Variants in MYT1L observed in about 807,000 individuals in gnomAD.
The protein encoded by MYT1L is myelin transcription factor 1 like.
Under a neutral mutation model 126.7 loss-of-function variants are expected in MYT1L, and 12 were observed. The observed-to-expected ratio is 0.09, with a 90% confidence interval of 0.06 to 0.15. The LOEUF (loss-of-function observed/expected upper bound fraction) is 0.15. Ranked by LOEUF, MYT1L falls within the 10% of genes least tolerant of loss-of-function variation. MYT1L has a pLI of 1.00. For missense variants in MYT1L, 979 were observed against 1,585.2 expected (o/e 0.62, Z 6.49); for synonymous variants, 541 against 604.2 (o/e 0.90, Z 1.53).
intron 18 of MYT1L, among the ~76,000 whole-genome samples, chr2:1,867,359 T>C (rs1343865954): frequency 6.6e-6 from 1 of 152,178 alleles, no homozygotes; most frequent in Non-Finnish European, 1.5e-5. Context: ...CCCATTGTCT[T>C]GGCTCTCACC....
intron 21 of MYT1L, among the ~76,000 whole-genome samples, chr2:1,820,250 T>A (rs1462033352): frequency 6.6e-6 from 1 of 152,180 alleles, no homozygotes; most frequent in Non-Finnish European, 1.5e-5. Context: ...TCCTAAGAGT[T>A]TTGAAGGCAT....
At chr2:2,125,720 T>C (rs1248168226) in intron 3 of MYT1L, among the ~76,000 whole-genome samples, 2 of 152,186 alleles carry the variant, frequency 1.3e-5, no homozygotes, top group Non-Finnish European at 2.9e-5. Flanking sequence ...TCTTTTATGG[T>C]ACCCTTTTGT....
chr2:1,860,062 T>A (rs977004949), intron 18 of MYT1L, among the ~76,000 whole-genome samples: 2 of 152,216 alleles, frequency 1.3e-5, no homozygotes, highest in African/African-American at 4.8e-5. Flanking sequence ...TCTGTGTTGA[T>A]CATGCTGCCC....
intron 19 of MYT1L, chr2:1,841,669 C>CA (rs1161485425): frequency 2.0e-5 from 3 of 152,180 alleles, no homozygotes; most frequent in Non-Finnish European, 4.4e-5. Flanking sequence ...GTTTTGTTGA[C>CA]AGAGAGCGCG....
chr2:1,914,384 C>T (rs2052511629), intron 11 of MYT1L, among the ~76,000 whole-genome samples: 1 of 152,186 alleles, frequency 6.6e-6, no homozygotes, highest in Non-Finnish European at 1.5e-5. Flanking sequence ...TTTCCTCCAC[C>T]TGCTCCTGTT....
intron 3 of MYT1L, among the ~76,000 whole-genome samples, chr2:2,169,833 T>C (rs2089752449): frequency 6.6e-6 from 1 of 152,182 alleles, no homozygotes; most frequent in South Asian, 2.1e-4. Context: ...CGCGGTTTTA[T>C]GGACAGAACT....
At chr2:2,048,775 T>A (rs2068479644) in intron 4 of MYT1L, among the ~76,000 whole-genome samples, 1 of 152,200 alleles carries the variant, frequency 6.6e-6, no homozygotes, top group African/African-American at 2.4e-5. Context: ...GGGTGTCGCC[T>A]GACTTCAGGT....
At position 1,803,624 on chromosome 2, in the gene MYT1L, G is replaced by T. The variant is rs560840393; in HGVS notation, c.3173-1825C>A. 6.6e-5 allele frequency among the ~76,000 whole-genome samples: 10 copies of T among 152,312 alleles called. No individual in the cohort carries two copies. The South Asian group carries it at 2.1e-3, about 32-fold the overall frequency. On this transcript the variant is annotated intron_variant, in intron 22 of 24. Transcript: ENST00000647738. The stretch of plus-strand genomic sequence containing the variant: ...ATTTTGTTCTGGGAGTGATGGATGG[G>T]TGGATATTACTTCCATAGCTCTGCT...
chr2:2,183,267 G>C (rs2091734119), intron 2 of MYT1L, among the ~76,000 whole-genome samples: 1 of 152,136 alleles, frequency 6.6e-6, no homozygotes. Context: ...AAGAGACAGA[G>C]AGGAACGAAC....
intron 2 of MYT1L, among the ~76,000 whole-genome samples, chr2:2,175,580 A>G (rs2090643295): frequency 6.6e-6 from 1 of 152,070 alleles, no homozygotes; most frequent in Non-Finnish European, 1.5e-5. Flanking sequence ...AGCCCACCTC[A>G]GACACCACCG....
Position 1,889,558 on chromosome 2 carries a change from T to G in MYT1L, c.2284-81A>C. On this transcript the variant is annotated intron_variant, in intron 15 of 24. Transcript: ENST00000647738. This position sits in a 1 kb window ranked among gnomAD's most constrained non-coding sequence, Gnocchi z 4.1. ...AGTCCTTCCTCCCAGATTACAGTCC[T>G]GCCGTCAGCCAGTGTAGCGTTCAAC... The G allele has an allele frequency of 8.5e-7, 1 of 1,171,116 alleles. No homozygotes were observed. The highest frequency in any genetic ancestry group is 2.4e-5 in the East Asian group (1 of 41,482). The allele number at this position is 1,171,116 out of a possible 1,614,324, so 72.5% of individuals were successfully genotyped here.
At chr2:2,010,940 C>T (rs942467151) in intron 4 of MYT1L, among the ~76,000 whole-genome samples, 1 of 152,164 alleles carries the variant, frequency 6.6e-6, no homozygotes, top group Non-Finnish European at 1.5e-5. Flanking sequence ...TTTAACCAAC[C>T]GGATATCCCC....
At chr2:2,262,227 T>TC (rs1360141573) in intron 2 of MYT1L, among the ~76,000 whole-genome samples, 9 of 152,198 alleles carry the variant, frequency 5.9e-5, no homozygotes, top group Non-Finnish European at 2.9e-5. Context: ...GAATGTGTGT[T>TC]TTATCTATTT....
intron 3 of MYT1L, among the ~76,000 whole-genome samples, chr2:2,073,223 T>C (rs1004019662): frequency 1.3e-5 from 2 of 151,934 alleles, no homozygotes; most frequent in Non-Finnish European, 2.9e-5. Flanking sequence ...TGAATCTTTC[T>C]TCCCCCTCCC....
intron 1 of MYT1L, among the ~76,000 whole-genome samples, chr2:2,303,149 T>C (rs1367701899): frequency 6.6e-6 from 1 of 152,232 alleles, no homozygotes; most frequent in Non-Finnish European, 1.5e-5. Flanking sequence ...ATTATCTTCT[T>C]GTATCCTGGC....
chr2:2,300,083 A>G (rs1335312904), intron 1 of MYT1L, among the ~76,000 whole-genome samples: 1 of 152,214 alleles, frequency 6.6e-6, no homozygotes, highest in Non-Finnish European at 1.5e-5. Context: ...ACAAAACAAG[A>G]TTCCATAAAC....
At chr2:1,878,321 C>A (rs577817674) in intron 18 of MYT1L, among the ~76,000 whole-genome samples, 2 of 152,210 alleles carry the variant, frequency 1.3e-5, no homozygotes, top group East Asian at 3.9e-4. Context: ...AAAAAGATAC[C>A]AGTATATTAA....
intron 2 of MYT1L, among the ~76,000 whole-genome samples, chr2:2,263,589 T>G (rs1572950229): frequency 6.6e-6 from 1 of 152,262 alleles, no homozygotes; most frequent in Middle Eastern, 3.4e-3. Flanking sequence ...GCTGCTGCCC[T>G]CCTCTGCCTT....
At chr2:2,156,031 C>A (rs1010094567) in intron 3 of MYT1L, among the ~76,000 whole-genome samples, 6 of 152,116 alleles carry the variant, frequency 3.9e-5, no homozygotes, top group African/African-American at 1.2e-4. Flanking sequence ...TAAGCACTCT[C>A]GGCTGCAGAA....
Sources: allele counts gnomAD v4.1 joint callset (sites outside exome capture counted in the v4.1 genomes callset), GRCh38; gene constraint gnomAD v4.1.1; non-coding constraint Gnocchi (gnomAD v3.1); transcripts MANE v1.5; gene names NCBI Gene and HGNC (gene_info 2026-07-23, HGNC 2026-07-21).